Variants in ACTC1 observed in about 807,000 individuals in gnomAD.
The protein encoded by ACTC1 is actin, alpha cardiac muscle 1.
ACTC1 carries 10 observed loss-of-function variants against 31.6 expected under a neutral mutation model. The observed-to-expected ratio is 0.32, with a 90% CI of 0.19 to 0.54. The LOEUF is 0.54. Among genes scored for constraint, ACTC1 ranks in the 20% least tolerant of loss-of-function variants. The pLI is 0.95. For synonymous variants in ACTC1, 196 were observed against 185.0 expected, an observed-to-expected ratio of 1.06 and a Z score of -0.48; for missense variants, 129 against 506.4, an observed-to-expected ratio of 0.25 and a Z score of 7.15.
chr15:34,794,435 G>C (rs1192492130), intron 2 of ACTC1, among the ~76,000 whole-genome samples: 1 of 152,252 alleles, frequency 6.6e-6, no homozygotes, highest in Non-Finnish European at 1.5e-5. Context: ...TTAGTGGAGA[G>C]AAGCAGGTGG....
Position 34,793,131 on chromosome 15 carries a change from T to C in ACTC1, c.454+114A>G. ...CTCTTTCTCTTAGCACAGACCTTGCTAGGGAATGGGAGGAAAGGGATTATC... is the reference window on the plus strand; with the variant it reads ...CTCTTTCTCTTAGCACAGACCTTGCCAGGGAATGGGAGGAAAGGGATTATC... On this transcript the variant is annotated intron_variant, in intron 3 of 6. Transcript: ENST00000290378. This position sits in a 1 kb window ranked among gnomAD's most constrained non-coding sequence, Gnocchi z 4.8. 9.1e-7 allele frequency: 1 copy of C among 1,098,668 alleles called. No individual in the cohort carries two copies. Among genetic ancestry groups the C allele is most frequent in the South Asian group, 1.4e-5 (1 of 70,092 alleles). 68.1% of individuals were successfully genotyped at this position (1,098,668 alleles called of 1,614,324 possible). A position where few individuals can be genotyped will look rare whatever the true frequency, so the allele number is the denominator to read the frequency against.
Position 34,792,038 on chromosome 15 carries a change from C to A in ACTC1, c.808+52G>T. 2 of 1,601,274 alleles carry A rather than the reference C, an allele frequency of 1.2e-6. No individual in the cohort carries two copies. Among genetic ancestry groups the A allele is most frequent in the Non-Finnish European group, 8.5e-7 (1 of 1,169,750 alleles). Reference sequence around the variant, plus strand: ...GCCTTCTAGATTTTACTCTGGGAGACCCTAAGATTTCCAGGGAAAATCGTG... The same window carrying A: ...GCCTTCTAGATTTTACTCTGGGAGAACCTAAGATTTCCAGGGAAAATCGTG... On this transcript the variant is annotated intron_variant, in intron 5 of 6. Transcript: ENST00000290378. This position sits in a 1 kb window ranked among gnomAD's most constrained non-coding sequence, Gnocchi z 5.3.
intron 1 of ACTC1, among the ~76,000 whole-genome samples, chr15:34,795,238 C>A (rs942254673): frequency 1.3e-5 from 2 of 151,936 alleles, no homozygotes; most frequent in African/African-American, 4.8e-5. Context: ...AGTAGGGACC[C>A]AAAAGCCCCT....
At chr15:34,791,905 T>TA (rs1163738981) in intron 5 of ACTC1, 185 bp downstream of exon 5, 2 of 620,140 alleles carry the variant, frequency 3.2e-6, no homozygotes, top group African/African-American at 1.8e-5. Flanking sequence ...TCCTTTATTA[T>TA]ATCACTAGAG....
Position 34,792,550 on chromosome 15 carries a change from C to T in ACTC1, c.474G>A (p.Gly158=). The T allele has an allele frequency of 1.9e-6, 3 of 1,614,114 alleles. No individual in the cohort carries two copies. Among genetic ancestry groups the T allele is most frequent in the East Asian group, 2.2e-5 (1 of 44,862 alleles). ...GRTTGIVLDS[G]DGVTHNVPIY... is the part of the protein sequence containing the mutation. ...TGGGGACATTGTGAGTTACACCATCCCCAGAGTCCAGAACAATGCCTGCCC... is the reference window on the plus strand; with the variant it reads ...TGGGGACATTGTGAGTTACACCATCTCCAGAGTCCAGAACAATGCCTGCCC... The change falls in exon 4 of 7, where the codon GGG becomes GGA. Residue 158 remains glycine (G), a synonymous_variant. Coordinates refer to ENST00000290378, the MANE Select transcript of ACTC1 (RefSeq NM_005159.5). The surrounding 1 kb of genome is among the most constrained non-coding windows in gnomAD (Gnocchi z 5.3).
In ACTC1 at chr15:34,792,318, G is replaced by T. The variant is rs755214735; in HGVS notation, c.617-37C>A. ...AAGAGTATCACAGTCATGCTCTGAA[G>T]CAAGAAGTCAATTATAGGGAGGTAG... On this transcript the variant is annotated intron_variant, in intron 4 of 6. Coordinates refer to ENST00000290378, the MANE Select transcript of ACTC1 (RefSeq NM_005159.5). The surrounding 1 kb of genome is among the most constrained non-coding windows in gnomAD (Gnocchi z 5.3). 8.7e-6 allele frequency: 14 copies of T among 1,613,914 alleles called. No individual in the cohort carries two copies. The highest frequency in any genetic ancestry group is 4.0e-5 in the African/African-American group (3 of 74,928).
rs1595759833 is a variant in ACTC1 at position 34,790,321 on chromosome 15, T to C, written c.*91A>G. 6.7e-7 allele frequency: 1 copy of C among 1,489,062 alleles called. No homozygotes were observed. Among genetic ancestry groups the C allele is most frequent in the Admixed American group, 1.7e-5 (1 of 59,744 alleles). 92.2% of individuals were successfully genotyped at this position (1,489,062 alleles called of 1,614,324 possible). A position where few individuals can be genotyped will look rare whatever the true frequency, so the allele number is the denominator to read the frequency against. On this transcript the variant is annotated 3_prime_UTR_variant, in exon 7 of 7. Coordinates refer to ENST00000290378, the MANE Select transcript of ACTC1 (RefSeq NM_005159.5). ...CGTGTGTAAACAAACTGTACAATGATTGATGAAAGATGAGGGAAGGTGGTT... is the reference window on the plus strand; with the variant it reads ...CGTGTGTAAACAAACTGTACAATGACTGATGAAAGATGAGGGAAGGTGGTT...
chr15:34,791,081 G>C (rs762550009), intron 6 of ACTC1, 33 bp downstream of exon 6: 1 of 1,557,990 alleles, frequency 6.4e-7, no homozygotes, highest in South Asian at 1.2e-5. Flanking sequence ...ACCAAGACTT[G>C]CCTCGGATCT....
intron 2 of ACTC1, 33 bp downstream of exon 2, chr15:34,794,647 C>G (rs1244866941): frequency 1.2e-6 from 2 of 1,604,222 alleles, no homozygotes; most frequent in African/African-American, 2.7e-5. Context: ...GAAGGGGTCC[C>G]GAGTGGGACG....
In ACTC1 at chr15:34,793,276, C is replaced by T. The variant is rs922191208; in HGVS notation, c.423G>A (p.Val141=). Residue 141 remains valine, a synonymous_variant, in exon 3 of 7, where the codon GTG becomes GTA. Transcript: ENST00000290378. The surrounding 1 kb of genome is among the most constrained non-coding windows in gnomAD (Gnocchi z 4.8). The part of the protein sequence containing the change: ...VPAMYVAIQA[V]LSLYASGRTT... ...TACGGCCAGAAGCATACAGGGATAGCACTGCCTGGATGGCCACGTACATGG... is the reference window on the plus strand; with the variant it reads ...TACGGCCAGAAGCATACAGGGATAGTACTGCCTGGATGGCCACGTACATGG... The T allele has an allele frequency of 4.3e-6, 7 of 1,614,020 alleles. No homozygotes were observed. The African/African-American group carries it at 9.3e-5, about 22-fold the overall frequency.
At position 34,791,307 on chromosome 15, in the gene ACTC1, TCACACA is replaced by T. The variant is rs59431308; in HGVS notation, c.809-18_809-13del. 0.02 allele frequency: 25,423 copies of T among 1,299,758 alleles called. 37 individuals carry two copies. The highest frequency in any genetic ancestry group is 0.029 in the African/African-American group (1,882 of 63,808). The allele number at this position is 1,299,758 out of a possible 1,614,324, so 80.5% of individuals were successfully genotyped here. On this transcript the variant is annotated splice_polypyrimidine_tract_variant and intron_variant, in intron 5 of 6. Coordinates refer to ENST00000290378, the MANE Select transcript of ACTC1 (RefSeq NM_005159.5). The stretch of plus-strand genomic sequence containing the variant: ...AGCAGATTCCATACCTGGGAACGAG[TCACACA>T]CACACACACACACACACACACACAC...
rs201506436 is a variant in ACTC1, at chr15:34,790,877, CGT to C, written c.990+235_990+236del. On this transcript the variant is annotated intron_variant, in intron 6 of 6. Coordinates refer to ENST00000290378, the MANE Select transcript of ACTC1 (RefSeq NM_005159.5). ...AAAAATGTATTCAAAGATTTTGTTG[CGT>C]GTGTGTGTGTCTTTTTTTTGTCAAA... Among the ~76,000 whole-genome samples the C allele has an allele frequency of 2.0e-5, 3 of 151,916 alleles. No homozygotes were observed. The East Asian group carries it at 5.8e-4, about 29-fold the overall frequency.
chr15:34,794,379 T>C (rs566090258), intron 2 of ACTC1, among the ~76,000 whole-genome samples: 1 of 151,944 alleles, frequency 6.6e-6, no homozygotes, highest in Non-Finnish European at 1.5e-5. Flanking sequence ...GAAAATGAAG[T>C]GTATAAGGCA....
Position 34,793,999 on chromosome 15 carries a change from GAT to G in ACTC1, c.130-432_130-431del, listed in dbSNP as rs112062652. Among the ~76,000 whole-genome samples, 3 of 152,340 alleles carry G rather than the reference GAT, an allele frequency of 2.0e-5. No homozygotes were observed. The highest frequency in any genetic ancestry group is 7.2e-5 in the African/African-American group (3 of 41,578). ...TCAAGTGAACACATAATGATGGGCTGATATGCCATCCTCACTCCAACAGTGAA... is the reference window on the plus strand; with the variant it reads ...TCAAGTGAACACATAATGATGGGCTGATGCCATCCTCACTCCAACAGTGAA... On this transcript the variant is annotated intron_variant, in intron 2 of 6. Transcript: ENST00000290378. This position sits in a 1 kb window ranked among gnomAD's most constrained non-coding sequence, Gnocchi z 4.8.
chr15:34,794,208 A>G (rs28595759), intron 2 of ACTC1, among the ~76,000 whole-genome samples: 18,040 of 152,204 alleles, frequency 0.12, 1,592 homozygotes, highest in African/African-American at 0.24. Flanking sequence ...CCTGGCTTCT[A>G]AAAATGCAAC....
chr15:34,790,405 A>G lies in ACTC1; in HGVS notation c.*7T>C. 1 of 1,613,548 alleles carries G rather than the reference A, an allele frequency of 6.2e-7. No individual in the cohort carries two copies. Among genetic ancestry groups the G allele is most frequent in the Non-Finnish European group, 8.5e-7 (1 of 1,179,972 alleles). ...TGACTGGAAGGTAGATGGAGAGAGA[A>G]GGCATCTTAGAAGCATTTGCGGTGG... On this transcript the variant is annotated 3_prime_UTR_variant, in exon 7 of 7. Transcript: ENST00000290378.
Position 34,791,137 on chromosome 15 carries a change from C to T in ACTC1, c.967G>A (p.Ala323Thr), listed in dbSNP as rs771011464. ...ACCTTAATCTTCATGGTGCTAGGAG[C>T]CAGAGCAGTGATTTCCTTCTGCATA... ...DRMQKEITAL[A>T]PSTMKIKIIA... The change falls in exon 6 of 7, where the codon GCT (alanine) becomes ACT (threonine). Residue 323 changes from alanine to threonine, a missense_variant. Coordinates refer to ENST00000290378, the MANE Select transcript of ACTC1 (RefSeq NM_005159.5). The T allele has an allele frequency of 3.7e-6, 6 of 1,606,514 alleles. No homozygotes were observed. Among genetic ancestry groups the T allele is most frequent in the Non-Finnish European group, 5.1e-6 (6 of 1,174,144 alleles).
At position 34,792,379 on chromosome 15, in the gene ACTC1, A is replaced by G; in HGVS notation, c.616+29T>C. 6.2e-7 allele frequency: 1 copy of G among 1,614,182 alleles called. No homozygotes were observed. On this transcript the variant is annotated intron_variant, in intron 4 of 6. Coordinates refer to ENST00000290378, the MANE Select transcript of ACTC1 (RefSeq NM_005159.5). This position sits in a 1 kb window ranked among gnomAD's most constrained non-coding sequence, Gnocchi z 5.3. ...TGAGAGAGGAGGAAAGCAGACCCAC[A>G]CTGTGGCAGATGAGACACACACACT...
chr15:34,791,913 G>C (rs191101101), intron 5 of ACTC1, 177 bp downstream of exon 5: 1 of 643,350 alleles, frequency 1.6e-6, no homozygotes, highest in African/African-American at 1.8e-5. Context: ...TATATCACTA[G>C]AGCAGAACAT....
Sources: allele counts gnomAD v4.1 joint callset (sites outside exome capture counted in the v4.1 genomes callset), GRCh38; gene constraint gnomAD v4.1.1; non-coding constraint Gnocchi (gnomAD v3.1); transcripts MANE v1.5; gene names NCBI Gene and HGNC (gene_info 2026-07-23, HGNC 2026-07-21).